The following EPM2A variants were observed in gnomAD, a reference collection of about 807,000 sequenced individuals.
The protein encoded by EPM2A is EPM2A glucan phosphatase, laforin.
In EPM2A, 21 loss-of-function variants were observed where a neutral mutation model predicts 26.5. The observed-to-expected ratio is 0.79, with a 90% CI of 0.56 to 1.14. The LOEUF is 1.14. Among genes scored for constraint, EPM2A ranks in the 50% most tolerant of loss-of-function variants. The pLI is 0.00. For missense variants in EPM2A, 458 were observed against 440.8 expected (o/e 1.04, Z -0.35); for synonymous variants, 217 against 177.6 (o/e 1.22, Z -1.76).
intron 2 of EPM2A, among the ~76,000 whole-genome samples, chr6:145,537,401 C>T (rs1780446689): frequency 6.6e-6 from 1 of 152,126 alleles, no homozygotes; most frequent in Admixed American, 6.5e-5. Context: ...TGATTAGACA[C>T]AAATACTCTG....
chr6:145,638,858 G>C (rs920230871), intron 2 of EPM2A: 2 of 152,022 alleles, frequency 1.3e-5, no homozygotes, highest in Non-Finnish European at 2.9e-5. Context: ...TATATTTCTA[G>C]TTATAGGATT....
intron 1 of EPM2A, among the ~76,000 whole-genome samples, chr6:145,718,271 A>T (rs1352296723): frequency 2.0e-5 from 3 of 148,708 alleles, no homozygotes; most frequent in African/African-American, 5.0e-5. Context: ...CAAAACAGAG[A>T]TATAGATCAA....
chr6:145,478,365 C>A (rs1237460510), intron 4 of EPM2A, among the ~76,000 whole-genome samples: 1 of 151,902 alleles, frequency 6.6e-6, no homozygotes, highest in East Asian at 1.9e-4. Flanking sequence ...ACACAATCTA[C>A]AGATTCAATG....
At chr6:145,455,808 T>C (rs1489433911) in intron 4 of EPM2A, among the ~76,000 whole-genome samples, 2 of 152,210 alleles carry the variant, frequency 1.3e-5, no homozygotes, top group Admixed American at 1.3e-4. Context: ...ATAAGAAATA[T>C]AGGCTTTTAC....
At chr6:145,712,980 T>C (rs950506768) in intron 1 of EPM2A, among the ~76,000 whole-genome samples, 3 of 152,234 alleles carry the variant, frequency 2.0e-5, no homozygotes, top group Non-Finnish European at 2.9e-5. Context: ...TCTTTAGGGA[T>C]AGACTAATAG....
upstream of EPM2A, chr6:145,735,664 C>G (rs1041784812): frequency 5.5e-6 from 6 of 1,085,666 alleles, no homozygotes; most frequent in Admixed American, 5.2e-5. Flanking sequence ...ACGCGGCTCC[C>G]GAGCCCAGAC....
Position 145,511,229 on chromosome 6 carries a change from G to C in EPM2A, c.341-8654C>G, listed in dbSNP as rs1482197602. Among the ~76,000 whole-genome samples the C allele has an allele frequency of 3.3e-5, 5 of 152,224 alleles. No individual in the cohort carries two copies. The East Asian group carries it at 7.7e-4, about 24-fold the overall frequency. ...ATTTATATTCCAAAAAATTGAGGAA[G>C]GGGGATTCCTCCCTGACTCATTCTA... On this transcript the variant is annotated intron_variant, in intron 2 of 3. Transcript: ENST00000450221.
chr6:145,634,510 A>G (rs894025576), intron 3 of EPM2A: 5 of 152,310 alleles, frequency 3.3e-5, no homozygotes, highest in Non-Finnish European at 7.3e-5. Flanking sequence ...TCTCTTACCC[A>G]TTCCCCTCTG....
At chr6:145,690,521 G>GAAAACAAA (rs1781213002) in intron 1 of EPM2A, among the ~76,000 whole-genome samples, 1 of 87,026 alleles carries the variant, frequency 1.1e-5, no homozygotes, top group Non-Finnish European at 2.2e-5. Flanking sequence ...CGTCTCAAAA[G>GAAAACAAA]AAAAAAAAAA....
At chr6:145,548,259 C>T (rs1306570410) in intron 2 of EPM2A, among the ~76,000 whole-genome samples, 1 of 152,078 alleles carries the variant, frequency 6.6e-6, no homozygotes, top group African/African-American at 2.4e-5. Context: ...AATGAGCTTC[C>T]AATCAAGAAT....
At chr6:145,633,273 A>G (rs1305631592) in intron 3 of EPM2A, among the ~76,000 whole-genome samples, 1 of 152,204 alleles carries the variant, frequency 6.6e-6, no homozygotes, top group Non-Finnish European at 1.5e-5. Flanking sequence ...AGATTCAGAG[A>G]TGCTAACATC....
intron 4 of EPM2A, among the ~76,000 whole-genome samples, chr6:145,455,407 G>C (rs938881130): frequency 2.6e-5 from 4 of 152,122 alleles, no homozygotes; most frequent in Non-Finnish European, 5.9e-5. Context: ...GCCCAGGCTA[G>C]AGTACAGTGG....
intron 2 of EPM2A, among the ~76,000 whole-genome samples, chr6:145,578,290 T>C (rs1781062713): frequency 6.6e-6 from 1 of 151,958 alleles, no homozygotes; most frequent in Non-Finnish European, 1.5e-5. Context: ...TTAGCAAACC[T>C]TATGCCAGAC....
chr6:145,510,947 A>G (rs182164608), intron 2 of EPM2A, among the ~76,000 whole-genome samples: 3 of 152,326 alleles, frequency 2.0e-5, no homozygotes, highest in Non-Finnish European at 4.4e-5. Flanking sequence ...AAATATATTC[A>G]GAGACTACTA....
chr6:145,563,859 T>C (rs1304020319), intron 2 of EPM2A, among the ~76,000 whole-genome samples: 3 of 152,262 alleles, frequency 2.0e-5, no homozygotes, highest in Non-Finnish European at 2.9e-5. Context: ...AAAACATATA[T>C]ACATTTGAGT....
chr6:145,567,758 G>C (rs561034144), intron 2 of EPM2A, among the ~76,000 whole-genome samples: 99 of 152,342 alleles, frequency 6.5e-4, no homozygotes, highest in African/African-American at 2.3e-3. Context: ...CCTGGAGCAA[G>C]ATCATGCCAA....
intron 4 of EPM2A, among the ~76,000 whole-genome samples, chr6:145,493,027 T>C (rs1043203641): frequency 1.3e-5 from 2 of 152,184 alleles, no homozygotes; most frequent in Admixed American, 1.3e-4. Context: ...CTTCCTCTCC[T>C]CAAAGCCTCT....
chr6:145,496,728 A>ATGTTTTTTTTTTTTTTTTTTTTT (rs779194973), downstream of EPM2A, among the ~76,000 whole-genome samples: 11 of 106,902 alleles, frequency 1.0e-4, 3 homozygotes, highest in Non-Finnish European at 1.4e-4. Context: ...AGTTCCTGCA[A>ATGTTTTTTTTTTTTTTTTTTTTT]TTTTTTTTTT....
rs62439578 is a variant in EPM2A, at chr6:145,489,919, C to T, written c.555+12603G>A. 1.2e-3 allele frequency: 1,682 copies of T among 1,354,430 alleles called. 4 individuals are homozygous for T. Among genetic ancestry groups the T allele is most frequent in the South Asian group, 3.8e-3 (323 of 85,014 alleles). 83.9% of individuals were successfully genotyped at this position (1,354,430 alleles called of 1,614,324 possible). On this transcript the variant is annotated intron_variant, in intron 4 of 4. Coordinates refer to the EPM2A transcript ENST00000638717. The stretch of plus-strand genomic sequence containing the variant: ...AGTACCTTCTTCAGTCTGAATTCGA[C>T]CCACTTCTAGATAACTTATTTGGAC...
Sources: allele counts gnomAD v4.1 joint callset (sites outside exome capture counted in the v4.1 genomes callset), GRCh38; gene constraint gnomAD v4.1.1; transcripts MANE v1.5; gene names NCBI Gene and HGNC (gene_info 2026-07-23, HGNC 2026-07-21).